The following PARD3 variants were observed in gnomAD, a reference collection of about 807,000 sequenced individuals.
PARD3 encodes partitioning defective 3 homolog.
Under a neutral mutation model 155.4 loss-of-function variants are expected in PARD3, and 75 were observed. The ratio of observed to expected loss-of-function variants is 0.48; its 90% confidence interval spans 0.40 to 0.58. PARD3 has a LOEUF of 0.58. Ranked by LOEUF, PARD3 falls within the 20% of genes least tolerant of loss-of-function variation. The pLI is 0.00. For synonymous variants in PARD3, 576 were observed against 610.5 expected (o/e 0.94, Z 0.83); for missense variants, 1,642 against 1,721.7 (o/e 0.95, Z 0.82).
intron 22 of PARD3, among the ~76,000 whole-genome samples, chr10:34,262,119 G>A (rs903785334): frequency 5.7e-5 from 6 of 105,112 alleles, no homozygotes; most frequent in African/African-American, 2.4e-4. Flanking sequence ...TGGTAAAAAT[G>A]TGGGTTTGTA....
At chr10:34,345,269 G>A (rs1387592459) in intron 15 of PARD3, 1 of 985,234 alleles carries the variant, frequency 1.0e-6, no homozygotes, top group East Asian at 1.1e-4. Context: ...TCCTTTTGGG[G>A]TGTATCTTTT....
intron 22 of PARD3, among the ~76,000 whole-genome samples, chr10:34,160,765 T>C (rs1949236549): frequency 6.6e-6 from 1 of 152,188 alleles, no homozygotes; most frequent in Non-Finnish European, 1.5e-5. Context: ...CCGTTCACAG[T>C]ATGCAGTTAT....
chr10:34,750,752 G>A (rs934991464), intron 1 of PARD3, among the ~76,000 whole-genome samples: 16 of 149,730 alleles, frequency 1.1e-4, no homozygotes, highest in Admixed American at 5.4e-4. Context: ...GCAGTGGCAC[G>A]ATCTTGGCTC....
intron 1 of PARD3, among the ~76,000 whole-genome samples, chr10:34,771,233 G>T (rs1357429425): frequency 6.6e-6 from 1 of 152,192 alleles, no homozygotes; most frequent in African/African-American, 2.4e-5. Flanking sequence ...TGCTAAATGT[G>T]CTGGGCACAA....
rs528094656 is a variant in PARD3 at position 34,121,168 on chromosome 10, C to T, written c.3541-1428G>A. On this transcript the variant is annotated intron_variant, in intron 23 of 24. Coordinates refer to ENST00000374788, the MANE Select transcript of PARD3 (RefSeq NM_001184785.2). Reference sequence around the variant, plus strand: ...TTCTCACCGAAATCAGATTACTGAACGTGTATACCGCATGGTATAGATCAG... The same window carrying T: ...TTCTCACCGAAATCAGATTACTGAATGTGTATACCGCATGGTATAGATCAG... Among the ~76,000 whole-genome samples, 243 of 152,224 alleles carry T rather than the reference C, an allele frequency of 1.6e-3. 1 individual carries two copies. The highest frequency in any genetic ancestry group is 5.5e-3 in the African/African-American group (228 of 41,542).
At chr10:34,576,110 G>C (rs2086868790) in intron 2 of PARD3, among the ~76,000 whole-genome samples, 1 of 152,154 alleles carries the variant, frequency 6.6e-6, no homozygotes, top group Non-Finnish European at 1.5e-5. Context: ...ATGTTTGCCA[G>C]AGAAGTACAG....
intron 1 of PARD3, among the ~76,000 whole-genome samples, chr10:34,794,463 T>C (rs1233863343): frequency 1.3e-5 from 2 of 152,244 alleles, no homozygotes; most frequent in African/African-American, 4.8e-5. Flanking sequence ...GAAAGGCAGA[T>C]TCACAGAAGT....
At chr10:34,391,234 A>G (rs546129265) in intron 7 of PARD3, among the ~76,000 whole-genome samples, 2 of 151,874 alleles carry the variant, frequency 1.3e-5, no homozygotes, top group Non-Finnish European at 2.9e-5. Flanking sequence ...AAGAGAAAGT[A>G]GACAGATACA....
At chr10:34,468,896 C>T (rs1325414356) in intron 4 of PARD3, among the ~76,000 whole-genome samples, 2 of 152,126 alleles carry the variant, frequency 1.3e-5, no homozygotes, top group Admixed American at 6.5e-5. Context: ...ACATCTTTTT[C>T]ATCTTATGTG....
intron 3 of PARD3, 81 bp from the exon 4 acceptor site, chr10:34,470,344 T>C: frequency 9.2e-7 from 1 of 1,091,030 alleles, no homozygotes. Flanking sequence ...AGGGAAATCC[T>C]AAAGATTAAG....
chr10:34,287,743 C>T (rs1052840802), intron 20 of PARD3, among the ~76,000 whole-genome samples: 10 of 152,102 alleles, frequency 6.6e-5, no homozygotes, highest in East Asian at 5.8e-4. Context: ...CTCTTAAGTA[C>T]GTATGACATT....
intron 2 of PARD3, among the ~76,000 whole-genome samples, chr10:34,529,553 T>C (rs1312677306): frequency 6.6e-6 from 1 of 152,148 alleles, no homozygotes; most frequent in South Asian, 2.1e-4. Flanking sequence ...AGTATAACTT[T>C]TGACTCACCA....
At chr10:34,458,997 A>AAT (rs1487733059) in intron 4 of PARD3, among the ~76,000 whole-genome samples, 1 of 152,204 alleles carries the variant, frequency 6.6e-6, no homozygotes, top group Non-Finnish European at 1.5e-5. Flanking sequence ...TTTCGGGTTC[A>AAT]ATTAAATCTT....
intron 22 of PARD3, among the ~76,000 whole-genome samples, chr10:34,197,033 T>C (rs767220804): frequency 7.9e-5 from 12 of 152,136 alleles, no homozygotes; most frequent in African/African-American, 1.4e-4. Flanking sequence ...CATTATGCTT[T>C]GCCATCCTGT....
chr10:34,424,255 A>T (rs2075470582), intron 5 of PARD3, among the ~76,000 whole-genome samples: 2 of 152,184 alleles, frequency 1.3e-5, no homozygotes, highest in Admixed American at 1.3e-4. Context: ...ACAAACATAA[A>T]GAGTTTCTTA....
intron 7 of PARD3, among the ~76,000 whole-genome samples, chr10:34,396,020 A>C (rs1327398883): frequency 6.6e-6 from 1 of 152,102 alleles, no homozygotes; most frequent in Non-Finnish European, 1.5e-5. Flanking sequence ...TAGTCTAAAA[A>C]ATAGCTTTGA....
At chr10:34,794,941 G>C (rs777419386) in intron 1 of PARD3, among the ~76,000 whole-genome samples, 3 of 152,220 alleles carry the variant, frequency 2.0e-5, no homozygotes, top group Non-Finnish European at 4.4e-5. Context: ...ACAAGGCCTT[G>C]GACACTCCTC....
Position 34,269,769 on chromosome 10 carries a change from C to G in PARD3, c.3307G>C (p.Gly1103Arg). The G allele has an allele frequency of 6.2e-7, 1 of 1,613,976 alleles. No homozygotes were observed. The highest frequency in any genetic ancestry group is 8.5e-7 in the Non-Finnish European group (1 of 1,179,964). ...GGTCTAGCGTTGAGAGCCATGGAAC[C>G]TTCATAAGAAGAAACTCCCCCATAC... ...LMYGGVSSYE[G>R]SMALNARPQS... Residue 1103 changes from glycine to arginine, a missense_variant, in exon 22 of 25, where the codon GGT becomes CGT. By Grantham distance (125) the Gly-to-Arg change is moderately radical. Coordinates refer to ENST00000374788, the MANE Select transcript of PARD3 (RefSeq NM_001184785.2).
chr10:34,680,113 A>C (rs2093784045), intron 2 of PARD3, among the ~76,000 whole-genome samples: 1 of 152,200 alleles, frequency 6.6e-6, no homozygotes, highest in African/African-American at 2.4e-5. Flanking sequence ...AAGAAAATAA[A>C]ACATGAGAAA....
Sources: allele counts gnomAD v4.1 joint callset (sites outside exome capture counted in the v4.1 genomes callset), GRCh38; gene constraint gnomAD v4.1.1; transcripts MANE v1.5; gene names NCBI Gene and HGNC (gene_info 2026-07-23, HGNC 2026-07-21).